Variants in GPR158 observed in about 807,000 individuals in gnomAD.
GPR158 encodes G protein-coupled receptor 158, also known as metabotropic glycine receptor.
A neutral mutation model predicts 78.2 loss-of-function variants in GPR158; 30 were observed. The ratio of observed to expected loss-of-function variants is 0.38; its 90% CI spans 0.29 to 0.52. The LOEUF is 0.52. GPR158 is among the 20% of genes least tolerant of loss of function. GPR158 has a pLI of 0.83. For synonymous variants in GPR158, 581 were observed against 591.1 expected (o/e 0.98, Z 0.25); for missense variants, 1,463 against 1,523.5 (o/e 0.96, Z 0.66).
At chr10:25,354,349 CAGTCTCA>C (rs1396450350) in intron 2 of GPR158, among the ~76,000 whole-genome samples, 1 of 138,678 alleles carries the variant, frequency 7.2e-6, no homozygotes, top group African/African-American at 3.0e-5. Flanking sequence ...GAGTGAAACT[CAGTCTCA>C]AAAAAAAAAA....
At chr10:25,311,297 A>C (rs920344142) in intron 2 of GPR158, among the ~76,000 whole-genome samples, 3 of 151,976 alleles carry the variant, frequency 2.0e-5, no homozygotes, top group Admixed American at 1.3e-4. Context: ...GCTTTTCTAT[A>C]GAAGAACAAA....
intron 4 of GPR158, among the ~76,000 whole-genome samples, chr10:25,426,440 AT>A (rs1217677683): frequency 1.3e-5 from 2 of 152,094 alleles, no homozygotes; most frequent in African/African-American, 4.8e-5. Flanking sequence ...AAGTGTAATC[AT>A]TTCTAGCTTT....
intron 2 of GPR158, among the ~76,000 whole-genome samples, chr10:25,222,436 C>G: frequency 6.6e-6 from 1 of 151,810 alleles, no homozygotes; most frequent in Admixed American, 6.6e-5. Flanking sequence ...CCCCCATTCC[C>G]TCACATCCAC....
At chr10:25,411,891 G>A (rs1365316023) in intron 3 of GPR158, among the ~76,000 whole-genome samples, 3 of 120,410 alleles carry the variant, frequency 2.5e-5, no homozygotes, top group East Asian at 2.7e-4. Flanking sequence ...CAGAGATCGC[G>A]CCACTGCACT....
chr10:25,257,371 C>T (rs1197547857), intron 2 of GPR158, among the ~76,000 whole-genome samples: 1 of 152,122 alleles, frequency 6.6e-6, no homozygotes, highest in African/African-American at 2.4e-5. Context: ...ATACTCAAAC[C>T]ATAGGAATGC....
intron 2 of GPR158, among the ~76,000 whole-genome samples, chr10:25,382,648 A>T (rs557015924): frequency 6.6e-6 from 1 of 152,006 alleles, no homozygotes; most frequent in South Asian, 2.1e-4. Context: ...TGTGTACCCT[A>T]TGATTACCAG....
intron 2 of GPR158, among the ~76,000 whole-genome samples, chr10:25,388,359 C>T (rs1457111734): frequency 6.6e-6 from 1 of 152,168 alleles, no homozygotes; most frequent in Non-Finnish European, 1.5e-5. Flanking sequence ...CAGTCAACCA[C>T]ACCACCCCCA....
At chr10:25,471,632 T>A (rs1835505041) in intron 5 of GPR158, among the ~76,000 whole-genome samples, 1 of 152,202 alleles carries the variant, frequency 6.6e-6, no homozygotes, top group Non-Finnish European at 1.5e-5. Context: ...TGTTGTTTCC[T>A]GACTTTTTAA....
intron 1 of GPR158, among the ~76,000 whole-genome samples, chr10:25,188,696 G>C (rs1268629094): frequency 6.6e-6 from 1 of 152,116 alleles, no homozygotes; most frequent in Non-Finnish European, 1.5e-5. Flanking sequence ...GAAAACCTAG[G>C]CAATACCATT....
At chr10:25,368,636 G>C (rs1564434885) in intron 2 of GPR158, among the ~76,000 whole-genome samples, 1 of 151,836 alleles carries the variant, frequency 6.6e-6, no homozygotes, top group Admixed American at 6.6e-5. Flanking sequence ...CTGTTGGTGG[G>C]AGTGTAAATT....
intron 2 of GPR158, among the ~76,000 whole-genome samples, chr10:25,373,923 A>T (rs1834040062): frequency 6.6e-6 from 1 of 151,754 alleles, no homozygotes; most frequent in East Asian, 1.9e-4. Flanking sequence ...AATGTAATGG[A>T]TATGTCATTT....
At chr10:25,465,709 C>CA (rs1261682059) in intron 4 of GPR158, among the ~76,000 whole-genome samples, 3 of 152,180 alleles carry the variant, frequency 2.0e-5, no homozygotes, top group African/African-American at 7.2e-5. Context: ...GGGAGATACG[C>CA]AGACTTCAAG....
intron 2 of GPR158, among the ~76,000 whole-genome samples, chr10:25,235,499 A>G (rs1315782226): frequency 3.4e-5 from 5 of 149,024 alleles, no homozygotes; most frequent in South Asian, 2.1e-4. Context: ...TTGCAATACT[A>G]TCTGTTTTCA....
chr10:25,321,772 G>A lies in GPR158; in HGVS notation c.1009-74139G>A, dbSNP rs539563463. ...GCCTAGAATTGAGTTGTATATAGGT[G>A]TCCTTAAAGCAAGACAGGGCTGTAA... On this transcript the variant is annotated intron_variant, in intron 2 of 10. Coordinates refer to ENST00000376351, the MANE Select transcript of GPR158 (RefSeq NM_020752.3). Among the ~76,000 whole-genome samples the A allele has an allele frequency of 3.8e-3, 577 of 152,006 alleles. 5 individuals are homozygous for A. Among genetic ancestry groups the A allele is most frequent in the Non-Finnish European group, 6.7e-3 (457 of 67,978 alleles).
chr10:25,412,982 A>G (rs1834613731), intron 4 of GPR158, among the ~76,000 whole-genome samples: 1 of 152,174 alleles, frequency 6.6e-6, no homozygotes, highest in Non-Finnish European at 1.5e-5. Context: ...AAGAACTTAC[A>G]CAGTTTTGGA....
chr10:25,284,900 A>G (rs1588774771), intron 2 of GPR158, among the ~76,000 whole-genome samples: 1 of 151,966 alleles, frequency 6.6e-6, no homozygotes, highest in African/African-American at 2.4e-5. Context: ...TTTCCTAATT[A>G]CTTCTTATTC....
intron 3 of GPR158, among the ~76,000 whole-genome samples, chr10:25,411,041 C>A (rs1320090705): frequency 6.6e-6 from 1 of 151,454 alleles, no homozygotes; most frequent in Non-Finnish European, 1.5e-5. Flanking sequence ...GAAGTGAGTT[C>A]ATATTCATTA....
chr10:25,455,958 C>G (rs1433130636), intron 4 of GPR158, among the ~76,000 whole-genome samples: 1 of 152,068 alleles, frequency 6.6e-6, no homozygotes, highest in Non-Finnish European at 1.5e-5. Context: ...GTTCTTAATG[C>G]CCCCAAGTTT....
chr10:25,545,441 A>T (rs1358083094), intron 5 of GPR158, among the ~76,000 whole-genome samples: 1 of 152,134 alleles, frequency 6.6e-6, no homozygotes, highest in African/African-American at 2.4e-5. Context: ...TTTGATTTGC[A>T]TTTATCTAAT....
Sources: allele counts gnomAD v4.1 joint callset (sites outside exome capture counted in the v4.1 genomes callset), GRCh38; gene constraint gnomAD v4.1.1; transcripts MANE v1.5; gene names NCBI Gene and HGNC (gene_info 2026-07-23, HGNC 2026-07-21).